SRP68: variants seen among roughly 807,000 people sequenced by gnomAD.
SRP68 encodes the protein signal recognition particle 68.
SRP68 carries 15 observed loss-of-function variants against 82.2 expected under a neutral mutation model. The ratio of observed to expected loss-of-function variants is 0.18; its 90% CI spans 0.12 to 0.28. The LOEUF (loss-of-function observed/expected upper bound fraction) is 0.28, where lower values mean the gene tolerates loss of function less well. Among genes scored for constraint, SRP68 ranks in the 10% least tolerant of loss-of-function variants. The probability of loss-of-function intolerance (pLI) is 1.00; values close to 1 mark genes in which losing one functional copy is unlikely to be tolerated. For missense variants in SRP68, 595 were observed against 780.5 expected, an observed-to-expected ratio of 0.76 and a Z score of 2.83; for synonymous variants, 261 against 292.6, an observed-to-expected ratio of 0.89 and a Z score of 1.10.
chr17:76,059,123 CCTGTAGTTCCAGCTACTCAGGAGG>C (rs1175413912), intron 7 of SRP68, among the ~76,000 whole-genome samples: 2 of 152,136 alleles, frequency 1.3e-5, no homozygotes, highest in Non-Finnish European at 2.9e-5. Flanking sequence ...GTAACCTTCA[CCTGTAGTTCCAGCTACTCAGGAGG>C]CTGAGGCAGG....
intron 8 of SRP68, among the ~76,000 whole-genome samples, chr17:76,055,338 A>G (rs1223936282): frequency 6.6e-6 from 1 of 152,094 alleles, no homozygotes. Context: ...GGTTACATGG[A>G]TAAGTTCTTC....
intron 3 of SRP68, among the ~76,000 whole-genome samples, chr17:76,065,179 G>A (rs750202846): frequency 2.6e-5 from 4 of 151,974 alleles, no homozygotes; most frequent in Non-Finnish European, 5.9e-5. Flanking sequence ...GCTCGGTGTA[G>A]TGGCTCATGT....
rs1337533691 is a variant in SRP68, at chr17:76,071,116, G to C, written c.185-672C>G. Among the ~76,000 whole-genome samples, 1 of 152,038 alleles carries C rather than the reference G, an allele frequency of 6.6e-6. No individual in the cohort carries two copies. Among genetic ancestry groups the C allele is most frequent in the East Asian group, 1.9e-4 (1 of 5,192 alleles). On this transcript the variant is annotated intron_variant, in intron 1 of 15. Transcript: ENST00000307877. The surrounding 1 kb of genome is among the most constrained non-coding windows in gnomAD (Gnocchi z 4.7). ...GGTGCTTCACACCAATTAACACCTAGACCCCACATTTTATTCATTCAGATT... is the reference window on the plus strand; with the variant it reads ...GGTGCTTCACACCAATTAACACCTACACCCCACATTTTATTCATTCAGATT...
intron 3 of SRP68, among the ~76,000 whole-genome samples, chr17:76,066,726 C>T (rs2066809941): frequency 6.6e-6 from 1 of 151,032 alleles, no homozygotes; most frequent in Non-Finnish European, 1.5e-5. Flanking sequence ...GAATCTCACC[C>T]CCTCCTTTTT....
intron 13 of SRP68, 119 bp from the exon 14 acceptor site, chr17:76,041,097 G>T (rs2066587021): frequency 1.0e-5 from 7 of 681,022 alleles, no homozygotes; most frequent in Non-Finnish European, 1.7e-5. Flanking sequence ...TTTCTAAACG[G>T]TTCTCACTAT....
chr17:76,045,956 T>C (rs2066626883), intron 11 of SRP68, 82 bp downstream of exon 11: 1 of 1,555,462 alleles, frequency 6.4e-7, no homozygotes, highest in Non-Finnish European at 8.8e-7. Context: ...AGCCCTTCCG[T>C]GATACAAAGT....
intron 12 of SRP68, 30 bp downstream of exon 12, chr17:76,045,262 A>G: frequency 6.4e-7 from 1 of 1,570,666 alleles, no homozygotes. Flanking sequence ...TGGGAGGCGG[A>G]GGAAAACTGC....
intron 8 of SRP68, among the ~76,000 whole-genome samples, chr17:76,055,930 C>T (rs2066711084): frequency 6.7e-6 from 1 of 150,276 alleles, no homozygotes; most frequent in African/African-American, 2.4e-5. Flanking sequence ...GCCTCAGCCT[C>T]CAAGTAGCTG....
intron 6 of SRP68, chr17:76,060,659 T>G: frequency 2.5e-6 from 1 of 402,758 alleles, no homozygotes; most frequent in Non-Finnish European, 4.4e-6. Context: ...TGAACCCTGA[T>G]GTAAACTATG....
At chr17:76,057,959 G>C (rs1024842472) in intron 7 of SRP68, among the ~76,000 whole-genome samples, 4 of 150,088 alleles carry the variant, frequency 2.7e-5, no homozygotes, top group Non-Finnish European at 5.9e-5. Flanking sequence ...ACAAGCATGA[G>C]CCACTGTGCC....
intron 7 of SRP68, among the ~76,000 whole-genome samples, chr17:76,059,493 G>C (rs1053800751): frequency 6.6e-6 from 1 of 152,126 alleles, no homozygotes; most frequent in South Asian, 2.1e-4. Flanking sequence ...AGTGAGCCAA[G>C]ATTGCACCAT....
At chr17:76,048,119 T>C in intron 9 of SRP68, 149 bp from the exon 10 acceptor site, 1 of 388,114 alleles carries the variant, frequency 2.6e-6, no homozygotes, top group Non-Finnish European at 4.8e-6. Flanking sequence ...AGATCTATAC[T>C]TGACATAATC....
At chr17:76,063,519 C>T (rs1006444493) in intron 4 of SRP68, among the ~76,000 whole-genome samples, 2 of 152,030 alleles carry the variant, frequency 1.3e-5, no homozygotes, top group East Asian at 3.9e-4. Flanking sequence ...GAAACCCTGT[C>T]TCTACTAAAA....
At chr17:76,053,698 G>A (rs1323710290) in intron 8 of SRP68, 35 of 956,894 alleles carry the variant, frequency 3.7e-5, no homozygotes, top group East Asian at 1.2e-4. Flanking sequence ...TTTTTCTTAC[G>A]ACGCCCACAC....
intron 2 of SRP68, among the ~76,000 whole-genome samples, chr17:76,070,001 C>T (rs758881318): frequency 2.0e-5 from 3 of 151,708 alleles, no homozygotes; most frequent in Non-Finnish European, 4.4e-5. Context: ...CACCTGAACC[C>T]GGGAGGCATG....
intron 11 of SRP68, 23 bp from the exon 12 acceptor site, chr17:76,045,409 A>C (rs375368971): frequency 6.5e-7 from 1 of 1,545,150 alleles, no homozygotes; most frequent in Non-Finnish European, 8.9e-7. Flanking sequence ...TGCAACAAGA[A>C]AATTCATGAA....
rs544057031 is a variant in SRP68, at chr17:76,039,765, G to T, written c.1825C>A (p.Gln609Lys). ...CCAGTGAGGCCACTCTTGGTCTTCT[G>T]TTCCAACTTGTCCTCAAGGGGTGGG... Reference protein sequence around the residue: ...AFPPLEDKLEQKTKSGLTGYI... With the variant: ...AFPPLEDKLEKKTKSGLTGYI... The change falls in exon 16 of 16, where the codon CAG becomes AAG. Residue 609 changes from glutamine to lysine, a missense_variant. Around this residue, in one of 2 missense-constraint regions of SRP68, gnomAD observed 495 missense variants for 688.6 expected, o/e 0.72. Transcript: ENST00000307877. 1.2e-6 allele frequency: 2 copies of T among 1,614,198 alleles called. No individual in the cohort carries two copies. The highest frequency in any genetic ancestry group is 4.5e-5 in the East Asian group (2 of 44,888).
chr17:76,052,803 C>CAAA (rs1235799698), intron 8 of SRP68, among the ~76,000 whole-genome samples: 1 of 76,338 alleles, frequency 1.3e-5, no homozygotes, highest in South Asian at 4.3e-4. Context: ...GACTCCATCT[C>CAAA]AAAAAAAAAA....
intron 3 of SRP68, among the ~76,000 whole-genome samples, chr17:76,066,173 T>G (rs570767149): frequency 6.6e-6 from 1 of 152,048 alleles, no homozygotes; most frequent in Non-Finnish European, 1.5e-5. Flanking sequence ...CACACCAGCC[T>G]GGCGCAGTAG....
Sources: gnomAD v4.1 joint callset for allele counts (sites outside exome capture counted in the v4.1 genomes callset) on GRCh38, gnomAD v4.1.1 for gene constraint, gnomAD v4.1.1 regional missense constraint, Gnocchi (gnomAD v3.1) non-coding constraint, MANE v1.5 for transcripts, NCBI Gene and HGNC (gene_info 2026-07-23, HGNC 2026-07-21) for gene names.